The following HSD17B4 variants were observed in gnomAD, a reference collection of about 807,000 sequenced individuals.
HSD17B4 encodes peroxisomal multifunctional enzyme type 2.
Under a neutral mutation model 101.0 loss-of-function variants are expected in HSD17B4, and 70 were observed. The ratio of observed to expected loss-of-function variants is 0.69; its 90% CI spans 0.57 to 0.85. HSD17B4 has a LOEUF of 0.85. HSD17B4 is among the 40% of genes least tolerant of loss of function. The pLI is 0.00. For missense variants in HSD17B4, 984 were observed against 892.4 expected (o/e 1.10, Z -1.31); for synonymous variants, 347 against 297.1 (o/e 1.17, Z -1.73).
intron 2 of HSD17B4, among the ~76,000 whole-genome samples, chr5:119,463,126 CTTATT>C (rs1336223641): frequency 1.3e-5 from 2 of 152,120 alleles, no homozygotes; most frequent in East Asian, 3.9e-4. Context: ...CTGTGCCTGG[CTTATT>C]TTACTTAACA....
intron 6 of HSD17B4, chr5:119,476,606 A>T: frequency 1.0e-6 from 1 of 985,208 alleles, no homozygotes; most frequent in Non-Finnish European, 1.2e-6. Flanking sequence ...AGCTAAGAAG[A>T]GCTTTTAGTT....
chr5:119,529,260 G>A (rs1339062450), intron 20 of HSD17B4, among the ~76,000 whole-genome samples: 1 of 152,100 alleles, frequency 6.6e-6, no homozygotes, highest in East Asian at 1.9e-4. Flanking sequence ...GGAATAATTT[G>A]AAATGAAGGA....
chr5:119,457,848 G>C (rs1327527634), intron 2 of HSD17B4, among the ~76,000 whole-genome samples: 1 of 152,064 alleles, frequency 6.6e-6, no homozygotes, highest in South Asian at 2.1e-4. Flanking sequence ...TTTTATTGTT[G>C]ATATACTTTT....
chr5:119,458,861 T>C (rs748453980), intron 2 of HSD17B4, among the ~76,000 whole-genome samples: 14 of 152,240 alleles, frequency 9.2e-5, no homozygotes, highest in Admixed American at 9.2e-4. Context: ...TTATTGGGAA[T>C]TCAGTAGTTT....
At chr5:119,511,033 C>T (rs930137795) in intron 16 of HSD17B4, among the ~76,000 whole-genome samples, 1 of 152,128 alleles carries the variant, frequency 6.6e-6, no homozygotes, top group African/African-American at 2.4e-5. Flanking sequence ...TTTCCCGTAG[C>T]GTGGAGGTTC....
At chr5:119,458,115 A>G (rs1754852907) in intron 2 of HSD17B4, among the ~76,000 whole-genome samples, 1 of 152,240 alleles carries the variant, frequency 6.6e-6, no homozygotes, top group African/African-American at 2.4e-5. Context: ...TAGAGATGAT[A>G]ATTGTGTCAA....
In HSD17B4 at chr5:119,482,888, T is replaced by A. The variant is rs549413855; in HGVS notation, c.622+3867T>A. On this transcript the variant is annotated intron_variant, in intron 8 of 23. Coordinates refer to ENST00000510025, the MANE Select transcript of HSD17B4 (RefSeq NM_000414.4). ...TCCTGGGTTGGGACCTTCAGAAGAC[T>A]TTTTTAGCCTTTTTTTTTTTCTTTT... Among the ~76,000 whole-genome samples, 7 of 152,086 alleles carry A rather than the reference T, an allele frequency of 4.6e-5. No individual in the cohort carries two copies. In the East Asian group the frequency reaches 1.4e-3, roughly 29 times the overall value.
At chr5:119,461,504 C>T (rs1755232849) in intron 2 of HSD17B4, among the ~76,000 whole-genome samples, 2 of 152,138 alleles carry the variant, frequency 1.3e-5, no homozygotes, top group Admixed American at 1.3e-4. Context: ...GCTATTGATG[C>T]CTGATAATTT....
chr5:119,493,995 C>G lies in HSD17B4; in HGVS notation c.868+49C>G. ...GCCCTGGTTGGGGAATCAGAGGCAG[C>G]AAGCATTTTCTTCTCTTATGTAGTT... On this transcript the variant is annotated intron_variant, in intron 11 of 23. Transcript: ENST00000510025. 7 of 1,596,838 alleles carry G rather than the reference C, an allele frequency of 4.4e-6. No homozygotes were observed. The Admixed American group carries it at 1.0e-4, about 23-fold the overall frequency.
intron 4 of HSD17B4, 112 bp from the exon 5 acceptor site, chr5:119,475,594 A>G (rs1207034370): frequency 1.2e-6 from 1 of 826,974 alleles, no homozygotes; most frequent in Non-Finnish European, 2.0e-6. Flanking sequence ...TACCTATTAT[A>G]TTTACTTTTT....
intron 3 of HSD17B4, 95 bp from the exon 4 acceptor site, chr5:119,474,306 T>C: frequency 1.2e-6 from 1 of 807,860 alleles, no homozygotes; most frequent in Non-Finnish European, 2.3e-6. Context: ...TTCTGTTGGG[T>C]GAATAGTATT....
intron 11 of HSD17B4, among the ~76,000 whole-genome samples, chr5:119,495,259 A>G (rs1242421262): frequency 1.3e-5 from 2 of 152,196 alleles, no homozygotes; most frequent in Admixed American, 1.3e-4. Flanking sequence ...CTTTCCTCTG[A>G]TATTTATCTC....
At chr5:119,471,600 G>A in intron 2 of HSD17B4, 1 of 873,340 alleles carries the variant, frequency 1.1e-6, no homozygotes, top group South Asian at 2.2e-5. Flanking sequence ...ATACCATTAT[G>A]CTATTTATTA....
At position 119,473,942 on chromosome 5, in the gene HSD17B4, T is replaced by C. The variant is rs1580545941; in HGVS notation, c.147T>C (p.Gly49=). The C allele has an allele frequency of 1.2e-6, 2 of 1,612,200 alleles. No homozygotes were observed. The highest frequency in any genetic ancestry group is 2.7e-5 in the African/African-American group (2 of 74,872). ...TGGGAGGGGACTTCAAAGGAGTTGGTAAAGGCTCCTTAGCTGCTGATAAGG... is the reference window on the plus strand; with the variant it reads ...TGGGAGGGGACTTCAAAGGAGTTGGCAAAGGCTCCTTAGCTGCTGATAAGG... ...NDLGGDFKGV[G]KGSLAADKVV... is the part of the protein sequence containing the mutation. Residue 49 remains glycine (G), a synonymous_variant, in exon 3 of 24, where the codon GGT becomes GGC. Coordinates refer to ENST00000510025, the MANE Select transcript of HSD17B4 (RefSeq NM_000414.4).
chr5:119,469,713 G>A (rs554391034), intron 2 of HSD17B4, among the ~76,000 whole-genome samples: 3 of 152,214 alleles, frequency 2.0e-5, no homozygotes, highest in East Asian at 1.9e-4. Flanking sequence ...TAGAACAGTC[G>A]TATCTTCCCC....
chr5:119,542,129 T>G lies in HSD17B4; in HGVS notation c.*135T>G, dbSNP rs185522709. ...TTAACATTTTCAGATATCAGATAAC[T>G]GCAGATTTTCATTTTCTACTAATTT... is the stretch of plus-strand genomic sequence containing the variant. On this transcript the variant is annotated 3_prime_UTR_variant, in exon 24 of 24. Coordinates refer to ENST00000510025, the MANE Select transcript of HSD17B4 (RefSeq NM_000414.4). 280 of 675,384 alleles carry G rather than the reference T, an allele frequency of 4.1e-4. 1 individual carries two copies. Among genetic ancestry groups the G allele is most frequent in the African/African-American group, 1.3e-3 (72 of 55,230 alleles). 41.8% of individuals were successfully genotyped at this position (675,384 alleles called of 1,614,324 possible).
intron 13 of HSD17B4, among the ~76,000 whole-genome samples, chr5:119,501,665 G>A (rs1032254065): frequency 4.6e-5 from 7 of 152,034 alleles, no homozygotes; most frequent in South Asian, 2.1e-4. Context: ...TAGCACTGGC[G>A]CATTTGTTCA....
intron 17 of HSD17B4, among the ~76,000 whole-genome samples, chr5:119,522,111 G>A (rs1354392655): frequency 1.3e-5 from 2 of 151,874 alleles, no homozygotes; most frequent in South Asian, 2.1e-4. Flanking sequence ...ACAGGCCCCG[G>A]TGTGTGATGT....
intron 1 of HSD17B4, among the ~76,000 whole-genome samples, chr5:119,453,004 G>T (rs1754224849): frequency 6.6e-6 from 1 of 152,214 alleles, no homozygotes; most frequent in Non-Finnish European, 1.5e-5. Context: ...GTCTTTTAAA[G>T]GACTGAAAAG....
Sources: allele counts gnomAD v4.1 joint callset (sites outside exome capture counted in the v4.1 genomes callset), GRCh38; gene constraint gnomAD v4.1.1; transcripts MANE v1.5; gene names NCBI Gene and HGNC (gene_info 2026-07-23, HGNC 2026-07-21).